ECM2: variants seen among roughly 807,000 people sequenced by gnomAD.
ECM2 encodes the protein extracellular matrix protein 2.
A neutral mutation model predicts 67.5 loss-of-function variants in ECM2; 57 were observed. The observed-to-expected ratio is 0.84, with a 90% CI of 0.68 to 1.05. The LOEUF is 1.05. Ranked by LOEUF, ECM2 falls within the 50% of genes least tolerant of loss-of-function variation. ECM2 has a pLI of 0.00. For synonymous variants in ECM2, 258 were observed against 294.5 expected, an observed-to-expected ratio of 0.88 and a Z score of 1.27; for missense variants, 741 against 822.8, an observed-to-expected ratio of 0.90 and a Z score of 1.22.
downstream of ECM2, chr9:92,495,170 A>T (rs984000388): frequency 4.2e-6 from 1 of 236,036 alleles, no homozygotes; most frequent in African/African-American, 2.3e-5. Flanking sequence ...ACTAAAGCTT[A>T]AAAAATTAGA....
At position 92,496,495 on chromosome 9, in the gene ECM2, T is replaced by C. The variant is rs1428481027; in HGVS notation, c.1932-12A>G. 3.1e-6 allele frequency: 5 copies of C among 1,605,568 alleles called. No homozygotes were observed. Among genetic ancestry groups the C allele is most frequent in the South Asian group, 2.3e-5 (2 of 88,620 alleles). On this transcript the variant is annotated splice_polypyrimidine_tract_variant and intron_variant, in intron 9 of 9. Coordinates refer to ENST00000344604, the MANE Select transcript of ECM2 (RefSeq NM_001393.4). ...CTGGAAGAATGTTCCTAAGGAAAAA[T>C]AGACATGCAAGTCACACATGGTCCC...
the ECM2 span, among the ~76,000 whole-genome samples, chr9:92,555,622 T>G: frequency 6.6e-6 from 1 of 152,132 alleles, no homozygotes; most frequent in Non-Finnish European, 1.5e-5. Context: ...GCTAGGAAGA[T>G]TGTATTTTTC....
chr9:92,531,166 CT>C (rs1349119587), intron 1 of ECM2, among the ~76,000 whole-genome samples: 3 of 151,920 alleles, frequency 2.0e-5, no homozygotes, highest in African/African-American at 7.2e-5. Flanking sequence ...TTTCTATTTG[CT>C]TTTTATTTGT....
chr9:92,527,523 T>C (rs1023015369), intron 1 of ECM2, among the ~76,000 whole-genome samples: 1 of 152,216 alleles, frequency 6.6e-6, no homozygotes, highest in African/African-American at 2.4e-5. Context: ...GAATGTATCC[T>C]TGTCGCTAAG....
chr9:92,551,942 T>TG, the ECM2 span, among the ~76,000 whole-genome samples: 58 of 79,494 alleles, frequency 7.3e-4, 1 homozygote, highest in African/African-American at 5.0e-3. Flanking sequence ...TATATATATA[T>TG]ATATATATAT....
intron 6 of ECM2, among the ~76,000 whole-genome samples, chr9:92,508,792 T>G (rs1331262281): frequency 6.6e-6 from 1 of 152,212 alleles, no homozygotes; most frequent in Non-Finnish European, 1.5e-5. Flanking sequence ...TGAAGTTTTT[T>G]GGGAGCTACA....
At chr9:92,516,072 T>TCCCCCCCCC (rs76297691) in intron 3 of ECM2, among the ~76,000 whole-genome samples, 5 of 139,786 alleles carry the variant, frequency 3.6e-5, no homozygotes, top group African/African-American at 1.3e-4. Flanking sequence ...TACTTTTTTT[T>TCCCCCCCCC]CCCCCCCCCG....
At chr9:92,507,687 G>A (rs913107) in intron 6 of ECM2, among the ~76,000 whole-genome samples, 17 of 152,162 alleles carry the variant, frequency 1.1e-4, no homozygotes, top group Non-Finnish European at 1.9e-4. Flanking sequence ...AGCCTCCAGG[G>A]CTCCTGATTT....
chr9:92,544,893 G>A, the ECM2 span, among the ~76,000 whole-genome samples: 1 of 151,534 alleles, frequency 6.6e-6, no homozygotes, highest in Non-Finnish European at 1.5e-5. Context: ...ATTTTTTTTT[G>A]TATTTTTAGT....
chr9:92,521,664 T>C (rs1848079115), intron 2 of ECM2, among the ~76,000 whole-genome samples: 2 of 152,342 alleles, frequency 1.3e-5, no homozygotes, highest in Non-Finnish European at 2.9e-5. Flanking sequence ...TTAATACGTT[T>C]TTAAAAATGC....
At chr9:92,517,544 T>C in intron 3 of ECM2, 143 bp downstream of exon 3, 1 of 1,093,128 alleles carries the variant, frequency 9.1e-7, no homozygotes, top group Non-Finnish European at 1.3e-6. Flanking sequence ...AGATATTTTC[T>C]ATGTTAATCA....
intron 1 of ECM2, among the ~76,000 whole-genome samples, chr9:92,533,328 A>AAAATATAT (rs1554683138): frequency 1.6e-4 from 6 of 38,332 alleles, no homozygotes; most frequent in Admixed American, 3.4e-4. Flanking sequence ...AAAAAAAAAA[A>AAAATATAT]ATATATATAT....
chr9:92,500,914 C>A lies in ECM2; in HGVS notation c.1744G>T (p.Gly582Cys). Reference sequence around the variant, plus strand: ...AATGACAGGTACAAGTATTCCAGGCCTGGTTCCATGTGGCCAAACACATAG... The same window carrying A: ...AATGACAGGTACAAGTATTCCAGGCATGGTTCCATGTGGCCAAACACATAG... The part of the protein sequence containing the change: ...PGYVFGHMEP[G>C]LEYLYLSFNK... The change falls in exon 9 of 10, where the codon GGC becomes TGC. Residue 582 changes from glycine to cysteine, a missense_variant. Transcript: ENST00000344604. 6.2e-7 allele frequency: 1 copy of A among 1,614,184 alleles called. No homozygotes were observed. Among genetic ancestry groups the A allele is most frequent in the Non-Finnish European group, 8.5e-7 (1 of 1,180,050 alleles).
upstream of ECM2, among the ~76,000 whole-genome samples, chr9:92,538,266 A>G (rs1009589941): frequency 6.6e-6 from 1 of 152,224 alleles, no homozygotes; most frequent in African/African-American, 2.4e-5. Context: ...ACCACCATGC[A>G]TAGTTGTCCA....
the ECM2 span, among the ~76,000 whole-genome samples, chr9:92,543,805 C>G: frequency 6.6e-6 from 1 of 152,096 alleles, no homozygotes; most frequent in Non-Finnish European, 1.5e-5. Flanking sequence ...TATTACGTAT[C>G]TATTGTAAAT....
At chr9:92,522,530 C>T (rs1420959958) in intron 2 of ECM2, 45 bp downstream of exon 2, 1 of 1,503,842 alleles carries the variant, frequency 6.6e-7, no homozygotes, top group African/African-American at 1.4e-5. Context: ...TACCATCTCT[C>T]ACCCTCCTCC....
intron 5 of ECM2, 66 bp downstream of exon 5, chr9:92,511,945 T>C: frequency 7.9e-7 from 1 of 1,259,018 alleles, no homozygotes; most frequent in Non-Finnish European, 1.1e-6. Flanking sequence ...CCCTTCCCCA[T>C]CTCCAACCAA....
At chr9:92,534,092 C>A (rs574498717) in intron 1 of ECM2, among the ~76,000 whole-genome samples, 1 of 152,268 alleles carries the variant, frequency 6.6e-6, no homozygotes, top group South Asian at 2.1e-4. Context: ...TGTTTTCTCC[C>A]ATGACTGTTC....
At chr9:92,552,132 CAT>C in the ECM2 span, among the ~76,000 whole-genome samples, 809 of 132,800 alleles carry the variant, frequency 6.1e-3, no homozygotes, top group Middle Eastern at 0.013. Context: ...ATAGATCTAT[CAT>C]ATATATGTGA....
Sources: gnomAD v4.1 joint callset for allele counts (sites outside exome capture counted in the v4.1 genomes callset) on GRCh38, gnomAD v4.1.1 for gene constraint, MANE v1.5 for transcripts, NCBI Gene and HGNC (gene_info 2026-07-23, HGNC 2026-07-21) for gene names.